TPST2: variants seen among roughly 807,000 people sequenced by gnomAD.
TPST2 encodes tyrosylprotein sulfotransferase 2, also known as protein-tyrosine sulfotransferase 2.
A neutral mutation model predicts 27.8 loss-of-function variants in TPST2; 16 were observed. That is an observed-to-expected ratio of 0.58 (90% CI 0.39 to 0.88). The LOEUF is 0.88. Ranked by LOEUF, TPST2 falls within the 40% of genes least tolerant of loss-of-function variation. The pLI, the probability that TPST2 is intolerant of heterozygous loss-of-function variation, is 0.00. For synonymous variants in TPST2, 229 were observed against 231.7 expected (o/e 0.99, Z 0.10); for missense variants, 464 against 543.1 (o/e 0.85, Z 1.45).
At chr22:26,573,306 C>T (rs1050173108) in intron 1 of TPST2, among the ~76,000 whole-genome samples, 1 of 152,244 alleles carries the variant, frequency 6.6e-6, no homozygotes. Context: ...GCTAAGATGA[C>T]AGGCGTGAGC....
intron 1 of TPST2, among the ~76,000 whole-genome samples, chr22:26,567,490 A>C (rs1171264806): frequency 1.3e-5 from 2 of 152,254 alleles, no homozygotes; most frequent in African/African-American, 4.8e-5. Flanking sequence ...TATCAGTCAC[A>C]GTTCCATCTA....
chr22:26,528,110 TA>T (rs1269291455), intron 6 of TPST2, 103 bp downstream of exon 6: 17 of 1,370,344 alleles, frequency 1.2e-5, no homozygotes, highest in Non-Finnish European at 1.7e-5. Context: ...TGGACATGTC[TA>T]CCCCAGGGAG....
In TPST2 at chr22:26,576,549, G is replaced by A. The variant is rs189989794; in HGVS notation, c.-161+13504C>T. ...GCGTCCCAAGTAGAAGGAACAGCTC[G>A]AGCAGCGGGTAGAAGTGTGAAAGCA... On this transcript the variant is annotated intron_variant, in intron 1 of 6. Transcript: ENST00000338754. 5.3e-5 allele frequency among the ~76,000 whole-genome samples: 8 copies of A among 152,022 alleles called. No individual in the cohort carries two copies. In the South Asian group the frequency reaches 1.7e-3, roughly 31 times the overall value.
chr22:26,570,043 GACAGAAAGAAAGAAAGAAAGAAGGAAA>G (rs1927564921), intron 1 of TPST2, among the ~76,000 whole-genome samples: 2 of 128,142 alleles, frequency 1.6e-5, no homozygotes, highest in African/African-American at 6.3e-5. Context: ...AAGAAAGAAA[GACAGAAAGAAAGAAAGAAAGAAGGAAA>G]GAAAGAAAGA....
At chr22:26,527,745 T>C (rs933954080) in intron 6 of TPST2, among the ~76,000 whole-genome samples, 2 of 152,140 alleles carry the variant, frequency 1.3e-5, no homozygotes, top group Non-Finnish European at 2.9e-5. Context: ...GTTAAATGAG[T>C]AACACAGGAC....
chr22:26,538,772 G>A (rs4149470), intron 3 of TPST2, among the ~76,000 whole-genome samples: 9,103 of 152,144 alleles, frequency 0.06, 319 homozygotes, highest in Middle Eastern at 0.082. Flanking sequence ...GCAGTGAGCC[G>A]AGATCACACC....
At chr22:26,584,790 G>T (rs1928275689) in intron 1 of TPST2, among the ~76,000 whole-genome samples, 1 of 152,216 alleles carries the variant, frequency 6.6e-6, no homozygotes, top group African/African-American at 2.4e-5. Flanking sequence ...GCCTCAGCCT[G>T]TTCACATCAT....
intron 1 of TPST2, among the ~76,000 whole-genome samples, chr22:26,564,228 T>C (rs1369928412): frequency 6.6e-6 from 1 of 152,224 alleles, no homozygotes; most frequent in East Asian, 1.9e-4. Context: ...GGTGTCTTCG[T>C]ACCAGCCTCC....
chr22:26,548,972 GA>G (rs957682741), intron 1 of TPST2, among the ~76,000 whole-genome samples: 9 of 150,576 alleles, frequency 6.0e-5, no homozygotes, highest in African/African-American at 1.9e-4. Context: ...TGCCTCAAAA[GA>G]AAAAAAAATC....
chr22:26,567,713 C>G (rs1451473127), intron 1 of TPST2, among the ~76,000 whole-genome samples: 2 of 152,004 alleles, frequency 1.3e-5, no homozygotes, highest in Non-Finnish European at 2.9e-5. Context: ...TCTGTGAAAT[C>G]AATTTAAAAA....
At position 26,523,453 on chromosome 22, in the gene TPST2, AAC is replaced by A. The variant is rs1488535691; in HGVS notation, c.*2820_*2821del. ...TATAATATATTCATGTAGTACTCTAAACAAAATCTTTTCAGATCAAATCAGGG... is the reference window on the plus strand; with the variant it reads ...TATAATATATTCATGTAGTACTCTAAAAAATCTTTTCAGATCAAATCAGGG... On this transcript the variant is annotated 3_prime_UTR_variant, in exon 7 of 7. Coordinates refer to ENST00000338754, the MANE Select transcript of TPST2 (RefSeq NM_003595.5). 1.3e-5 allele frequency: 2 copies of A among 152,182 alleles called. No homozygotes were observed. The highest frequency in any genetic ancestry group is 1.3e-4 in the Admixed American group (2 of 15,276). The allele number at this position is 152,182 out of a possible 1,614,324, so 9.4% of individuals were successfully genotyped here.
chr22:26,577,640 C>T (rs536077296), intron 1 of TPST2, among the ~76,000 whole-genome samples: 3 of 147,890 alleles, frequency 2.0e-5, no homozygotes, highest in East Asian at 2.0e-4. Flanking sequence ...TGAGCCACTG[C>T]ACCCGGCCAT....
intron 1 of TPST2, among the ~76,000 whole-genome samples, chr22:26,573,817 G>A (rs951766474): frequency 2.0e-5 from 3 of 152,034 alleles, no homozygotes; most frequent in Admixed American, 6.6e-5. Flanking sequence ...CCAATTCTGG[G>A]GTAGTGCATA....
At chr22:26,526,946 C>T (rs1433163115) in intron 6 of TPST2, among the ~76,000 whole-genome samples, 3 of 152,090 alleles carry the variant, frequency 2.0e-5, no homozygotes, top group Non-Finnish European at 4.4e-5. Context: ...GGTGTGGTAG[C>T]GCACACTTGT....
chr22:26,562,771 G>A (rs1408062513), intron 1 of TPST2, among the ~76,000 whole-genome samples: 1 of 151,990 alleles, frequency 6.6e-6, no homozygotes, highest in Non-Finnish European at 1.5e-5. Context: ...TTACAGACAT[G>A]TGCCATCATG....
intron 2 of TPST2, among the ~76,000 whole-genome samples, chr22:26,544,088 C>T (rs983079741): frequency 6.6e-6 from 1 of 152,218 alleles, no homozygotes; most frequent in African/African-American, 2.4e-5. Context: ...GTTCAAATCT[C>T]ACTTCTGCTG....
At position 26,522,054 on chromosome 22, in the gene TPST2, T is replaced by C. The variant is rs560285886; in HGVS notation, c.*4221A>G. 1 of 152,204 alleles carries C rather than the reference T, an allele frequency of 6.6e-6. No homozygotes were observed. The highest frequency in any genetic ancestry group is 1.5e-5 in the Non-Finnish European group (1 of 68,046). The allele number at this position is 152,204 out of a possible 1,614,324, so 9.4% of individuals were successfully genotyped here. A position where few individuals can be genotyped will look rare whatever the true frequency, so the allele number is the denominator to read the frequency against. On this transcript the variant is annotated 3_prime_UTR_variant, in exon 7 of 7. Transcript: ENST00000338754. ...AATAGTAATCATTATAGCTACCATG[T>C]ATTAAGCCTTCACCATGGGGCTGTT... is the stretch of plus-strand genomic sequence containing the variant.
chr22:26,536,095 T>G, intron 4 of TPST2, 193 bp downstream of exon 4: 1 of 811,134 alleles, frequency 1.2e-6, no homozygotes, highest in Non-Finnish European at 2.1e-6. Flanking sequence ...CCAGTTGGCT[T>G]TGAGCTTCCC....
chr22:26,589,452 G>A (rs904270233), intron 1 of TPST2, among the ~76,000 whole-genome samples: 2 of 151,900 alleles, frequency 1.3e-5, no homozygotes, highest in African/African-American at 4.8e-5. Flanking sequence ...AGTTTACGGA[G>A]GGAGGTTGGG....
Sources: gnomAD v4.1 joint callset for allele counts (sites outside exome capture counted in the v4.1 genomes callset) on GRCh38, gnomAD v4.1.1 for gene constraint, MANE v1.5 for transcripts, NCBI Gene and HGNC (gene_info 2026-07-23, HGNC 2026-07-21) for gene names.